Variants in SLC41A2 observed in about 807,000 individuals in gnomAD.
The protein encoded by SLC41A2 is SLC41A1-like 1.
Under a neutral mutation model 58.3 loss-of-function variants are expected in SLC41A2, and 32 were observed. The ratio of observed to expected loss-of-function variants is 0.55; its 90% CI spans 0.41 to 0.74. The LOEUF (loss-of-function observed/expected upper bound fraction) is 0.74. Ranked by LOEUF, SLC41A2 falls within the 30% of genes least tolerant of loss-of-function variation. The pLI, the probability that SLC41A2 is intolerant of heterozygous loss-of-function variation, is 0.00. For synonymous variants in SLC41A2, 190 were observed against 235.0 expected (o/e 0.81, Z 1.75); for missense variants, 514 against 680.6 (o/e 0.76, Z 2.72).
At chr12:104,856,133 C>G (rs1426750618) in intron 8 of SLC41A2, among the ~76,000 whole-genome samples, 2 of 152,068 alleles carry the variant, frequency 1.3e-5, no homozygotes, top group African/African-American at 2.4e-5. Context: ...GTCTGGGGAC[C>G]ACACTTTGAA....
chr12:104,936,569 G>T (rs1319895093), intron 1 of SLC41A2, among the ~76,000 whole-genome samples: 1 of 152,176 alleles, frequency 6.6e-6, no homozygotes, highest in African/African-American at 2.4e-5. Flanking sequence ...GGCAAGCAAA[G>T]AGAGAGCTTG....
chr12:104,887,823 T>C (rs2044748856), intron 5 of SLC41A2, among the ~76,000 whole-genome samples: 1 of 151,950 alleles, frequency 6.6e-6, no homozygotes, highest in African/African-American at 2.4e-5. Flanking sequence ...TTACCTAAGT[T>C]TTCTCACCTA....
intron 10 of SLC41A2, among the ~76,000 whole-genome samples, chr12:104,813,087 G>A (rs1159788287): frequency 1.3e-5 from 2 of 152,098 alleles, no homozygotes; most frequent in Non-Finnish European, 2.9e-5. Flanking sequence ...GCTGAGGCAG[G>A]AGAATCGCTT....
At chr12:104,935,582 C>T (rs78316843) in intron 1 of SLC41A2, among the ~76,000 whole-genome samples, 7,639 of 152,116 alleles carry the variant, frequency 0.05, 277 homozygotes, top group East Asian at 0.1. Flanking sequence ...TTGGATGTAA[C>T]AAATGTTGTT....
intron 7 of SLC41A2, among the ~76,000 whole-genome samples, chr12:104,864,950 A>C (rs1369994395): frequency 2.0e-5 from 3 of 151,750 alleles, no homozygotes; most frequent in Admixed American, 1.3e-4. Context: ...AGAGGCCTTT[A>C]TGAAATGTCT....
Position 104,853,911 on chromosome 12 carries a change from A to ATTATTATTATTATTATTATTTTTTTT in SLC41A2, c.1255+7379_1255+7380insAAAAAAAATAATAATAATAATAATAA. The stretch of plus-strand genomic sequence containing the variant: ...GGGTGCATGTCACCATGCCTGGCTG[A>ATTATTATTATTATTATTATTTTTTTT]TTTTTTTTTTTTTTTTTTTTTTTTT... On this transcript the variant is annotated intron_variant, in intron 8 of 10. Transcript: ENST00000258538. Among the ~76,000 whole-genome samples the ATTATTATTATTATTATTATTTTTTTT allele has an allele frequency of 3.4e-5, 2 of 59,494 alleles. 1 individual carries two copies. The highest frequency in any genetic ancestry group is 6.4e-5 in the Non-Finnish European group (2 of 31,494). The allele number at this position is 59,494 out of a possible 152,430, so 39.0% of individuals were successfully genotyped here. A position where few individuals can be genotyped will look rare whatever the true frequency, so the allele number is the denominator to read the frequency against.
chr12:104,911,927 A>C (rs1266272195), intron 2 of SLC41A2, among the ~76,000 whole-genome samples: 4 of 152,226 alleles, frequency 2.6e-5, no homozygotes, highest in Admixed American at 1.3e-4. Flanking sequence ...CTAATGAAAT[A>C]TGTATCTTTC....
chr12:104,859,833 C>T (rs1160888481), intron 8 of SLC41A2, among the ~76,000 whole-genome samples: 1 of 152,046 alleles, frequency 6.6e-6, no homozygotes, highest in African/African-American at 2.4e-5. Context: ...CCCTCCCAGG[C>T]TCAGAAGGTC....
At chr12:104,868,696 C>A (rs1250688623) in intron 6 of SLC41A2, among the ~76,000 whole-genome samples, 1 of 152,120 alleles carries the variant, frequency 6.6e-6, no homozygotes, top group African/African-American at 2.4e-5. Context: ...AAAGTAGAAG[C>A]AACCTAAATG....
chr12:104,877,939 G>A (rs191044646), intron 6 of SLC41A2, among the ~76,000 whole-genome samples: 69 of 152,128 alleles, frequency 4.5e-4, no homozygotes, highest in South Asian at 1.5e-3. Flanking sequence ...AACCCCGGAG[G>A]CAGAGGTCTC....
At chr12:104,848,606 T>C (rs1334788331) in intron 8 of SLC41A2, among the ~76,000 whole-genome samples, 1 of 152,030 alleles carries the variant, frequency 6.6e-6, no homozygotes, top group Non-Finnish European at 1.5e-5. Flanking sequence ...GTGCATGCAT[T>C]AAAAGGATAA....
At chr12:104,828,818 C>A (rs920938829) in intron 10 of SLC41A2, among the ~76,000 whole-genome samples, 4 of 151,928 alleles carry the variant, frequency 2.6e-5, no homozygotes, top group African/African-American at 9.7e-5. Flanking sequence ...ACAAAGAACT[C>A]TTATAACTCC....
At chr12:104,899,295 A>G (rs1480416908) in intron 3 of SLC41A2, among the ~76,000 whole-genome samples, 2 of 152,172 alleles carry the variant, frequency 1.3e-5, no homozygotes, top group African/African-American at 4.8e-5. Context: ...TTTTTTATTA[A>G]CTGAATATTA....
intron 10 of SLC41A2, among the ~76,000 whole-genome samples, chr12:104,821,412 A>G (rs10861279): frequency 0.013 from 1,927 of 152,232 alleles, 52 homozygotes; most frequent in African/African-American, 0.044. Context: ...CTTGATTTTT[A>G]ATAGCAAAAA....
Position 104,861,319 on chromosome 12 carries a change from C to A in SLC41A2, c.1227G>T (p.Gly409=). Residue 409 remains glycine (G), a synonymous_variant, in exon 8 of 11, where the codon GGG becomes GGT. Transcript: ENST00000258538. ...TAATAACTGGCGTGTAAACAACAAT[C>A]CCAACCAAGTTTGGGTCTGATACAG... ...DTTVSDPNLV[G]IVVYTPVING... 6.2e-7 allele frequency: 1 copy of A among 1,613,260 alleles called. No homozygotes were observed. Among genetic ancestry groups the A allele is most frequent in the Non-Finnish European group, 8.5e-7 (1 of 1,179,448 alleles).
Position 104,812,298 on chromosome 12 carries a change from TG to T in SLC41A2, c.1537-6962del, listed in dbSNP as rs1204798115. On this transcript the variant is annotated intron_variant, in intron 10 of 10. Coordinates refer to ENST00000258538, the MANE Select transcript of SLC41A2 (RefSeq NM_001352171.3). The stretch of plus-strand genomic sequence containing the variant: ...CCCCGTTCAAGACAGAGATGTGATG[TG>T]AATGTTAAATAATGCAGAATGGTTA... Among the ~76,000 whole-genome samples the T allele has an allele frequency of 3.9e-5, 6 of 152,232 alleles. No individual in the cohort carries two copies. The East Asian group carries it at 1.2e-3, about 29-fold the overall frequency.
At chr12:104,809,232 T>C (rs1280066438) in intron 10 of SLC41A2, among the ~76,000 whole-genome samples, 1 of 152,252 alleles carries the variant, frequency 6.6e-6, no homozygotes, top group African/African-American at 2.4e-5. Flanking sequence ...TTACTATTTG[T>C]GGCCCCTGGT....
chr12:104,919,265 G>T (rs539736141), intron 2 of SLC41A2, among the ~76,000 whole-genome samples: 1 of 152,200 alleles, frequency 6.6e-6, no homozygotes, highest in East Asian at 1.9e-4. Flanking sequence ...CACTTCGGTT[G>T]TATCCAGTTC....
chr12:104,880,448 G>C (rs1251375929), intron 6 of SLC41A2, among the ~76,000 whole-genome samples: 2 of 152,150 alleles, frequency 1.3e-5, no homozygotes, highest in Non-Finnish European at 2.9e-5. Flanking sequence ...TATTGGCTGT[G>C]GGTTTGTCAT....
Sources: gnomAD v4.1 joint callset for allele counts (sites outside exome capture counted in the v4.1 genomes callset) on GRCh38, gnomAD v4.1.1 for gene constraint, MANE v1.5 for transcripts, NCBI Gene and HGNC (gene_info 2026-07-23, HGNC 2026-07-21) for gene names.